Variants in ROR2 observed in about 807,000 individuals in gnomAD.
ROR2 encodes tyrosine-protein kinase transmembrane receptor ROR2.
ROR2 carries 33 observed loss-of-function variants against 74.9 expected under a neutral mutation model. The ratio of observed to expected loss-of-function variants is 0.44; its 90% CI spans 0.33 to 0.59. The LOEUF (loss-of-function observed/expected upper bound fraction) is 0.59, where lower values mean the gene tolerates loss of function less well. Ranked by LOEUF, ROR2 falls within the 20% of genes least tolerant of loss-of-function variation. ROR2 has a pLI of 0.02. For synonymous variants in ROR2, 586 were observed against 558.7 expected (o/e 1.05, Z -0.69); for missense variants, 1,216 against 1,313.8 (o/e 0.93, Z 1.15).
chr9:91,943,423 C>A (rs767762903), intron 1 of ROR2, among the ~76,000 whole-genome samples: 4 of 152,090 alleles, frequency 2.6e-5, no homozygotes, highest in Non-Finnish European at 5.9e-5. Flanking sequence ...ATGAGTTACA[C>A]TGATACCTCC....
intron 1 of ROR2, among the ~76,000 whole-genome samples, chr9:91,804,499 G>A (rs976586453): frequency 4.6e-5 from 7 of 152,284 alleles, no homozygotes; most frequent in African/African-American, 7.2e-5. Flanking sequence ...GCACCCCTGC[G>A]GCCGTCCTTG....
chr9:91,876,455 C>A (rs1248885989), intron 1 of ROR2, among the ~76,000 whole-genome samples: 4 of 152,120 alleles, frequency 2.6e-5, no homozygotes, highest in Non-Finnish European at 4.4e-5. Context: ...AATAGCCAGT[C>A]CCCGACACCA....
chr9:91,930,418 C>A (rs184081145), intron 1 of ROR2, among the ~76,000 whole-genome samples: 1 of 152,230 alleles, frequency 6.6e-6, no homozygotes, highest in African/African-American at 2.4e-5. Flanking sequence ...TGTGGTCCGA[C>A]TGCAGCCAAT....
At chr9:91,877,320 A>G (rs1457113153) in intron 1 of ROR2, among the ~76,000 whole-genome samples, 1 of 152,208 alleles carries the variant, frequency 6.6e-6, no homozygotes, top group Non-Finnish European at 1.5e-5. Context: ...ACTTCCTGAA[A>G]GAAGGTGATC....
chr9:91,893,089 G>A (rs1830462154), intron 1 of ROR2, among the ~76,000 whole-genome samples: 1 of 152,144 alleles, frequency 6.6e-6, no homozygotes, highest in African/African-American at 2.4e-5. Flanking sequence ...AGGACCCCAA[G>A]GCCACTCTTC....
intron 2 of ROR2, among the ~76,000 whole-genome samples, chr9:91,770,477 G>A (rs796572927): frequency 1.3e-5 from 2 of 152,172 alleles, no homozygotes; most frequent in South Asian, 2.1e-4. Flanking sequence ...AGTGTCTTCC[G>A]TATTCTAAGG....
At chr9:91,802,219 G>A (rs1387450182) in intron 1 of ROR2, among the ~76,000 whole-genome samples, 3 of 151,618 alleles carry the variant, frequency 2.0e-5, no homozygotes, top group East Asian at 2.0e-4. Flanking sequence ...GACTACAGGC[G>A]CCCGCCACCA....
chr9:91,824,947 G>A (rs1267276915), intron 1 of ROR2, among the ~76,000 whole-genome samples: 4 of 152,174 alleles, frequency 2.6e-5, no homozygotes, highest in African/African-American at 4.8e-5. Flanking sequence ...CCCCCGGCCC[G>A]CTGGCCCCAA....
intron 1 of ROR2, among the ~76,000 whole-genome samples, chr9:91,787,829 T>G (rs1289404342): frequency 1.3e-5 from 2 of 152,018 alleles, no homozygotes; most frequent in African/African-American, 4.8e-5. Context: ...CAACAGAAAA[T>G]GTCCCTAAGA....
chr9:91,725,038 T>C lies in ROR2; in HGVS notation c.1456A>G (p.Lys486Glu). ...CCGAACAGGTGACCTTTGTAGACTT[T>C]CCCAAACCGGTCCTCTCCCAGCTCC... ...MEELGEDRFGKVYKGHLFGPA... is the reference protein window; with the variant it reads ...MEELGEDRFGEVYKGHLFGPA... The change falls in exon 9 of 9, where the codon AAA (lysine) becomes GAA (glutamate). Residue 486 changes from lysine (K) to glutamate (E), a missense_variant. Lys to Glu is a moderately conservative substitution (Grantham distance 56). Coordinates refer to ENST00000375708, the MANE Select transcript of ROR2 (RefSeq NM_004560.4). The C allele has an allele frequency of 1.2e-6, 2 of 1,613,924 alleles. No individual in the cohort carries two copies. Among genetic ancestry groups the C allele is most frequent in the Non-Finnish European group, 1.7e-6 (2 of 1,180,008 alleles).
At chr9:91,846,072 T>C (rs904247200) in intron 1 of ROR2, among the ~76,000 whole-genome samples, 9 of 152,058 alleles carry the variant, frequency 5.9e-5, no homozygotes, top group African/African-American at 2.2e-4. Context: ...AACCCCAGGA[T>C]GCCTCCCGGC....
At chr9:91,776,837 A>AT (rs59696944) in intron 1 of ROR2, among the ~76,000 whole-genome samples, 1 of 91,304 alleles carries the variant, frequency 1.1e-5, no homozygotes, top group African/African-American at 3.9e-5. Context: ...GAAAAGAGAC[A>AT]AAAATTATTA....
chr9:91,846,821 T>C (rs776799810), intron 1 of ROR2, among the ~76,000 whole-genome samples: 3 of 152,166 alleles, frequency 2.0e-5, no homozygotes, highest in Admixed American at 6.5e-5. Flanking sequence ...CTGGAGTCTG[T>C]CTTTTCAGGT....
In ROR2 at chr9:91,725,009, A is replaced by G. The variant is rs1236909856; in HGVS notation, c.1485T>C (p.Pro495=). 1 of 1,613,894 alleles carries G rather than the reference A, an allele frequency of 6.2e-7. No individual in the cohort carries two copies. The change falls in exon 9 of 9, where the codon CCT becomes CCC. Residue 495 remains proline (P), a synonymous_variant. Transcript: ENST00000375708. ...CAGCCTGGGTCTGCTCCCCCGGGGC[A>G]GGGCCGAACAGGTGACCTTTGTAGA... ...GKVYKGHLFG[P]APGEQTQAVA...
At chr9:91,855,404 G>A (rs992083026) in intron 1 of ROR2, among the ~76,000 whole-genome samples, 3 of 152,214 alleles carry the variant, frequency 2.0e-5, no homozygotes, top group Non-Finnish European at 4.4e-5. Context: ...CGGCCCTCCC[G>A]CCAGGGCAGC....
Position 91,733,249 on chromosome 9 carries a change from G to A in ROR2, c.810C>T (p.Ile270=), listed in dbSNP as rs756959301. The A allele has an allele frequency of 8.7e-6, 14 of 1,612,700 alleles. No individual in the cohort carries two copies. The African/African-American group carries it at 1.3e-4, about 15-fold the overall frequency. The change falls in exon 6 of 9, where the codon ATC becomes ATT. Residue 270 remains isoleucine (I), a synonymous_variant. Transcript: ENST00000375708. This position sits in a 1 kb window ranked among gnomAD's most constrained non-coding sequence, Gnocchi z 5.7. ...ESDLCRQEYT[I]ARSNPLILMR... ...TGAGGATGAGCGGGTTGGAGCGGGC[G>A]ATGGTGTACTCCTGGCGGCACAGGT...
intron 1 of ROR2, chr9:91,948,568 C>G (rs55730193): frequency 1.1e-5 from 11 of 985,348 alleles, no homozygotes; most frequent in Admixed American, 6.1e-5. Flanking sequence ...CTAAAACCCC[C>G]CCCCAGGAAA....
At chr9:91,729,463 G>A (rs908082395) in intron 7 of ROR2, among the ~76,000 whole-genome samples, 1 of 152,194 alleles carries the variant, frequency 6.6e-6, no homozygotes, top group Non-Finnish European at 1.5e-5. Context: ...GATCTGCTGA[G>A]CCAGAGGCAA....
At chr9:91,909,343 T>C (rs1830894811) in intron 1 of ROR2, among the ~76,000 whole-genome samples, 1 of 152,026 alleles carries the variant, frequency 6.6e-6, no homozygotes, top group Non-Finnish European at 1.5e-5. Flanking sequence ...CAAACCTGCC[T>C]CTCCTCTCAG....
Sources: allele counts gnomAD v4.1 joint callset (sites outside exome capture counted in the v4.1 genomes callset), GRCh38; gene constraint gnomAD v4.1.1; non-coding constraint Gnocchi (gnomAD v3.1); transcripts MANE v1.5; gene names NCBI Gene and HGNC (gene_info 2026-07-23, HGNC 2026-07-21).